Variants in HSPA12B observed in about 807,000 individuals in gnomAD.
HSPA12B encodes heat shock 70 kDa protein 12B.
HSPA12B carries 54 observed loss-of-function variants against 69.3 expected under a neutral mutation model. The ratio of observed to expected loss-of-function variants is 0.78; its 90% confidence interval spans 0.63 to 0.98. The LOEUF (loss-of-function observed/expected upper bound fraction) is 0.98, where lower values mean the gene tolerates loss of function less well. Among genes scored for constraint, HSPA12B ranks in the 50% least tolerant of loss-of-function variants. HSPA12B has a pLI of 0.00. For synonymous variants in HSPA12B, 441 were observed against 436.5 expected (o/e 1.01, Z -0.13); for missense variants, 929 against 999.8 (o/e 0.93, Z 0.96).
chr20:3,734,546 G>T (rs1568469960), intron 1 of HSPA12B, among the ~76,000 whole-genome samples: 1 of 152,132 alleles, frequency 6.6e-6, no homozygotes. Context: ...CTGAAGCGGG[G>T]CTCAGCCTCC....
In HSPA12B at chr20:3,745,183, C is replaced by G. The variant is rs1421317907; in HGVS notation, c.453+95C>G. On this transcript the variant is annotated intron_variant, in intron 5 of 12. Transcript: ENST00000254963. This position sits in a 1 kb window ranked among gnomAD's most constrained non-coding sequence, Gnocchi z 5.6. ...GGGACAAAACCAAAACGTGTGAGGA[C>G]CGGCCCGATGGAGTCGTGGCTGAGA... 1.7e-6 allele frequency: 2 copies of G among 1,162,030 alleles called. No individual in the cohort carries two copies. The highest frequency in any genetic ancestry group is 2.5e-6 in the Non-Finnish European group (2 of 809,696). 72.0% of individuals were successfully genotyped at this position (1,162,030 alleles called of 1,614,324 possible).
At position 3,745,835 on chromosome 20, in the gene HSPA12B, A is replaced by T; in HGVS notation, c.559-80A>T. The T allele has an allele frequency of 1.6e-6, 2 of 1,249,764 alleles. No homozygotes were observed. Among genetic ancestry groups the T allele is most frequent in the Non-Finnish European group, 1.2e-6 (1 of 848,112 alleles). 77.4% of individuals were successfully genotyped at this position (1,249,764 alleles called of 1,614,324 possible). ...GGGAAGTCCTTCCTGTGATTTGATT[A>T]GTACCTCCAGTTCCGCAGAGGGCTG... is the stretch of plus-strand genomic sequence containing the variant. On this transcript the variant is annotated intron_variant, in intron 6 of 12. Transcript: ENST00000254963. The surrounding 1 kb of genome is among the most constrained non-coding windows in gnomAD (Gnocchi z 5.6).
intron 7 of HSPA12B, among the ~76,000 whole-genome samples, chr20:3,746,976 G>T (rs1193392409): frequency 6.6e-6 from 1 of 152,182 alleles, no homozygotes; most frequent in African/African-American, 2.4e-5. Flanking sequence ...CTTGGCATCA[G>T]TATTTTGAGG....
At position 3,751,592 on chromosome 20, in the gene HSPA12B, AGCACGCGGT is replaced by A; in HGVS notation, c.1491_1499del (p.His497_Val499del). 1 of 1,521,340 alleles carries A rather than the reference AGCACGCGGT, an allele frequency of 6.6e-7. No individual in the cohort carries two copies. The highest frequency in any genetic ancestry group is 1.2e-5 in the South Asian group (1 of 80,960). 94.2% of individuals were successfully genotyped at this position (1,521,340 alleles called of 1,614,324 possible). Reference sequence around the variant, plus strand: ...GGCTTCGCCGAGTCAGCGGTGCTGCAGCACGCGGTGCAGGCGGCGCTGGGCGCCCGCGGT... The same window carrying A: ...GGCTTCGCCGAGTCAGCGGTGCTGCAGCAGGCGGCGCTGGGCGCCCGCGGT... On this transcript the variant is annotated inframe_deletion, in exon 13 of 13. Coordinates refer to ENST00000254963, the MANE Select transcript of HSPA12B (RefSeq NM_052970.5).
chr20:3,734,285 C>A (rs778602237), intron 1 of HSPA12B, among the ~76,000 whole-genome samples: 1 of 152,168 alleles, frequency 6.6e-6, no homozygotes, highest in Non-Finnish European at 1.5e-5. Flanking sequence ...TATCCTGGTC[C>A]CCAGTGACTA....
intron 1 of HSPA12B, among the ~76,000 whole-genome samples, chr20:3,734,664 G>A (rs960734077): frequency 4.0e-5 from 6 of 151,746 alleles, no homozygotes; most frequent in Non-Finnish European, 5.9e-5. Context: ...GTGTGTGCTC[G>A]CTTGGCAGTC....
intron 4 of HSPA12B, among the ~76,000 whole-genome samples, chr20:3,743,981 G>T (rs2146571763): frequency 6.6e-6 from 1 of 152,280 alleles, no homozygotes; most frequent in African/African-American, 2.4e-5. Flanking sequence ...TGAAAGACAT[G>T]TTTCAAAAAT....
chr20:3,744,530 C>G lies in HSPA12B; in HGVS notation c.267-372C>G, dbSNP rs141011990. On this transcript the variant is annotated intron_variant, in intron 4 of 12. Transcript: ENST00000254963. The surrounding 1 kb of genome is among the most constrained non-coding windows in gnomAD (Gnocchi z 4.9). ...TCTACTTCTCTCCATGGCCACTGAT[C>G]GTGCCCAAGTTCAGCCCCGACCTTC... is the stretch of plus-strand genomic sequence containing the variant. Among the ~76,000 whole-genome samples the G allele has an allele frequency of 6.6e-6, 1 of 152,188 alleles. No individual in the cohort carries two copies. Among genetic ancestry groups the G allele is most frequent in the Non-Finnish European group, 1.5e-5 (1 of 68,038 alleles).
At chr20:3,748,482 G>A (rs2088349965) in intron 8 of HSPA12B, 91 bp downstream of exon 8, 2 of 1,239,168 alleles carry the variant, frequency 1.6e-6, no homozygotes, top group African/African-American at 1.5e-5. Context: ...GAAGGGGAGA[G>A]GGTACCCACC....
chr20:3,744,454 A>C lies in HSPA12B; in HGVS notation c.267-448A>C, dbSNP rs897861798. Among the ~76,000 whole-genome samples the C allele has an allele frequency of 1.3e-5, 2 of 152,142 alleles. No individual in the cohort carries two copies. The highest frequency in any genetic ancestry group is 2.9e-5 in the Non-Finnish European group (2 of 68,018). On this transcript the variant is annotated intron_variant, in intron 4 of 12. Coordinates refer to ENST00000254963, the MANE Select transcript of HSPA12B (RefSeq NM_052970.5). This position sits in a 1 kb window ranked among gnomAD's most constrained non-coding sequence, Gnocchi z 4.9. ...TGGGGGACATTCCAGCCTCCTCCCA[A>C]GCTCTCTCTTCCCACCAGACACCAA...
At position 3,745,502 on chromosome 20, in the gene HSPA12B, T is replaced by C. The variant is rs1289763032; in HGVS notation, c.463T>C (p.Leu155=). The C allele has an allele frequency of 1.2e-6, 2 of 1,613,888 alleles. No individual in the cohort carries two copies. Among genetic ancestry groups the C allele is most frequent in the Non-Finnish European group, 1.7e-6 (2 of 1,179,802 alleles). Residue 155 remains leucine (L), a synonymous_variant, in exon 6 of 13, where the codon TTG becomes CTG. Coordinates refer to ENST00000254963, the MANE Select transcript of HSPA12B (RefSeq NM_052970.5). The surrounding 1 kb of genome is among the most constrained non-coding windows in gnomAD (Gnocchi z 5.6). ...MKIHSATDLT[L]KTQLEAVNGK... ...CCTGTGTCCCTGCCAGGATCTCACCTTGAAGACCCAGCTAGAGGCAGTAAA... is the reference window on the plus strand; with the variant it reads ...CCTGTGTCCCTGCCAGGATCTCACCCTGAAGACCCAGCTAGAGGCAGTAAA...
chr20:3,742,882 G>GT lies in HSPA12B; in HGVS notation c.266+483dup, dbSNP rs369009157. Among the ~76,000 whole-genome samples, 899 of 146,268 alleles carry GT rather than the reference G, an allele frequency of 6.1e-3. 12 individuals are homozygous for GT. The highest frequency in any genetic ancestry group is 0.021 in the African/African-American group (837 of 39,516). ...CTGGCTAACTTTTGTGGGGTTTTTT[G>GT]TTTTTTTTTGAGACGGAGTCTCACT... On this transcript the variant is annotated intron_variant, in intron 4 of 12. Coordinates refer to ENST00000254963, the MANE Select transcript of HSPA12B (RefSeq NM_052970.5).
chr20:3,745,837 T>G lies in HSPA12B; in HGVS notation c.559-78T>G. 1 of 1,260,916 alleles carries G rather than the reference T, an allele frequency of 7.9e-7. No homozygotes were observed. Among genetic ancestry groups the G allele is most frequent in the African/African-American group, 1.5e-5 (1 of 68,202 alleles). 78.1% of individuals were successfully genotyped at this position (1,260,916 alleles called of 1,614,324 possible). A position where few individuals can be genotyped will look rare whatever the true frequency, so the allele number is the denominator to read the frequency against. ...GAAGTCCTTCCTGTGATTTGATTAG[T>G]ACCTCCAGTTCCGCAGAGGGCTGAA... is the stretch of plus-strand genomic sequence containing the variant. On this transcript the variant is annotated intron_variant, in intron 6 of 12. Coordinates refer to ENST00000254963, the MANE Select transcript of HSPA12B (RefSeq NM_052970.5). The surrounding 1 kb of genome is among the most constrained non-coding windows in gnomAD (Gnocchi z 5.6).
Position 3,740,958 on chromosome 20 carries a change from GGACAGGGTCGTGCGTGGCAAAGTCAT to G in HSPA12B, c.141+54_141+79del. On this transcript the variant is annotated intron_variant, in intron 3 of 12. Coordinates refer to ENST00000254963, the MANE Select transcript of HSPA12B (RefSeq NM_052970.5). The surrounding 1 kb of genome is among the most constrained non-coding windows in gnomAD (Gnocchi z 4.9). ...AGGTGGTGGGTGACCTGGCTGGTGT[GGACAGGGTCGTGCGTGGCAAAGTCAT>G]GACAGGGCCTCAGCTAGGAAGGAGG... 5 of 1,528,236 alleles carry G rather than the reference GGACAGGGTCGTGCGTGGCAAAGTCAT, an allele frequency of 3.3e-6. No individual in the cohort carries two copies. Among genetic ancestry groups the G allele is most frequent in the Non-Finnish European group, 4.5e-6 (5 of 1,115,452 alleles). The allele number at this position is 1,528,236 out of a possible 1,614,324, so 94.7% of individuals were successfully genotyped here. A position where few individuals can be genotyped will look rare whatever the true frequency, so the allele number is the denominator to read the frequency against.
Position 3,744,073 on chromosome 20 carries a change from G to T in HSPA12B, c.267-829G>T, listed in dbSNP as rs1295951366. On this transcript the variant is annotated intron_variant, in intron 4 of 12. Transcript: ENST00000254963. The surrounding 1 kb of genome is among the most constrained non-coding windows in gnomAD (Gnocchi z 4.9). ...CAGTCCTCTGAATATGTCCTAGAGG[G>T]TCGGCAGGCAGTAGGTGAAGCTACA... Among the ~76,000 whole-genome samples the T allele has an allele frequency of 6.6e-6, 1 of 152,154 alleles. No individual in the cohort carries two copies. Among genetic ancestry groups the T allele is most frequent in the Non-Finnish European group, 1.5e-5 (1 of 68,032 alleles).
At chr20:3,741,976 G>A (rs1412066081) in intron 3 of HSPA12B, among the ~76,000 whole-genome samples, 2 of 152,050 alleles carry the variant, frequency 1.3e-5, no homozygotes, top group Admixed American at 1.3e-4. Context: ...CTATGAAGAT[G>A]GTGTGAGGTG....
rs1282188660 is a variant in HSPA12B at position 3,750,906 on chromosome 20, A to C, written c.1404A>C (p.Ile468=). 6.2e-7 allele frequency: 1 copy of C among 1,613,702 alleles called. No individual in the cohort carries two copies. The highest frequency in any genetic ancestry group is 1.7e-5 in the Admixed American group (1 of 60,002). ...QPTVSGIIQH[I]EALLARPEVQ... ...CCGTCAGCGGGATCATCCAGCACAT[A>C]GGTGAGCACCTGAGCTTGGTCCCCC... Residue 468 remains isoleucine (I), a splice_region_variant and synonymous_variant, in exon 12 of 13, where the codon ATA becomes ATC. Transcript: ENST00000254963.
chr20:3,750,709 G>A (rs183365024), intron 11 of HSPA12B, 95 bp from the exon 12 acceptor site: 159 of 1,597,910 alleles, frequency 1.0e-4, no homozygotes, highest in Non-Finnish European at 3.8e-5. Context: ...ACTTCTGCCT[G>A]GAGGCAGAGG....
At position 3,738,725 on chromosome 20, in the gene HSPA12B, C is replaced by T; in HGVS notation, c.43+8C>T. The T allele has an allele frequency of 6.2e-7, 1 of 1,614,072 alleles. No individual in the cohort carries two copies. Among genetic ancestry groups the T allele is most frequent in the Non-Finnish European group, 8.5e-7 (1 of 1,179,980 alleles). Reference sequence around the variant, plus strand: ...TGCAGGGGCTGTACATCGGTAAGAACCCCCACCATTCTGCCCTGACCCATC... The same window carrying T: ...TGCAGGGGCTGTACATCGGTAAGAATCCCCACCATTCTGCCCTGACCCATC... On this transcript the variant is annotated splice_region_variant and intron_variant, in intron 2 of 12. Coordinates refer to ENST00000254963, the MANE Select transcript of HSPA12B (RefSeq NM_052970.5).
Sources: gnomAD v4.1 joint callset for allele counts (sites outside exome capture counted in the v4.1 genomes callset) on GRCh38, gnomAD v4.1.1 for gene constraint, Gnocchi (gnomAD v3.1) non-coding constraint, MANE v1.5 for transcripts, NCBI Gene and HGNC (gene_info 2026-07-23, HGNC 2026-07-21) for gene names.